The following DMD variants were observed in gnomAD, a reference collection of about 807,000 sequenced individuals.
The protein encoded by DMD is dystrophin, also known as mutant dystrophin.
DMD carries 63 observed loss-of-function variants against 330.1 expected under a neutral mutation model. That is an observed-to-expected ratio of 0.19 (90% CI 0.16 to 0.24). The LOEUF (loss-of-function observed/expected upper bound fraction) is 0.24. Ranked by LOEUF, DMD falls within the 10% of genes least tolerant of loss-of-function variation. The pLI is 1.00. For missense variants in DMD, 3,344 were observed against 2,684.1 expected (o/e 1.25, Z -5.43); for synonymous variants, 1,223 against 959.8 (o/e 1.27, Z -5.07).
chrX:31,126,803 G>T, intron 77 of DMD, 130 bp from the exon 78 acceptor site: 31 of 260,016 alleles, frequency 1.2e-4, no homozygotes, highest in East Asian at 3.6e-4. Context: ...TTCTCTGCTG[G>T]AAAAAAAAAA....
chrX:32,012,738 G>A (rs1256435717), intron 44 of DMD, among the ~76,000 whole-genome samples: 2 of 110,321 alleles, frequency 1.8e-5, no homozygotes, highest in Non-Finnish European at 3.8e-5. Flanking sequence ...GGAACAGAGT[G>A]ATAATCTATT....
At chrX:31,985,964 A>G (rs755195849) in intron 44 of DMD, among the ~76,000 whole-genome samples, 6 of 112,073 alleles carry the variant, frequency 5.4e-5, no homozygotes, top group African/African-American at 1.9e-4. Context: ...CCAGATGGAG[A>G]AAACAGCATG....
intron 2 of DMD, among the ~76,000 whole-genome samples, chrX:32,884,185 G>A (rs1037849711): frequency 5.1e-4 from 57 of 111,309 alleles, no homozygotes; most frequent in African/African-American, 1.8e-3. Context: ...ACATAGGAAA[G>A]TAACTCATCC....
At chrX:32,227,430 G>A (rs1014719600) in intron 43 of DMD, among the ~76,000 whole-genome samples, 1 of 104,937 alleles carries the variant, frequency 9.5e-6, no homozygotes, top group Non-Finnish European at 2.0e-5. Context: ...TGGAACTGGT[G>A]GTCATCTTAA....
chrX:32,362,910 G>T lies in DMD; in HGVS notation c.5203C>A (p.Arg1735Ser), dbSNP rs147904018. 1 of 1,211,015 alleles carries T rather than the reference G, an allele frequency of 8.3e-7. No homozygotes were observed. The highest frequency in any genetic ancestry group is 2.2e-5 in the Admixed American group (1 of 45,930). ...NDIRPKVDST[R>S]DQAANLMANR... The stretch of plus-strand genomic sequence containing the variant: ...GCCATCAAGTTTGCTGCTTGGTCAC[G>T]TGTAGAGTCCACCTTTGGGCGTATG... The change falls in exon 37 of 79, where the codon CGT (arginine) becomes AGT (serine). Residue 1735 changes from arginine to serine, a missense_variant. Coordinates refer to ENST00000357033, the MANE Select transcript of DMD (RefSeq NM_004006.3).
At chrX:32,312,513 C>T (rs1276732570) in intron 41 of DMD, among the ~76,000 whole-genome samples, 1 of 110,766 alleles carries the variant, frequency 9.0e-6, no homozygotes, top group East Asian at 2.8e-4. Context: ...AAAATATACT[C>T]ACTTTTGTCT....
chrX:31,755,965 C>T (rs907187854), intron 51 of DMD, among the ~76,000 whole-genome samples: 5 of 111,720 alleles, frequency 4.5e-5, no homozygotes, highest in African/African-American at 1.6e-4. Context: ...TTTACATAAT[C>T]GTCTTATGAG....
At chrX:32,195,249 T>A (rs1440088921) in intron 44 of DMD, among the ~76,000 whole-genome samples, 1 of 111,302 alleles carries the variant, frequency 9.0e-6, no homozygotes, top group African/African-American at 3.3e-5. Flanking sequence ...AGATTTTAAA[T>A]AAAATGTCAA....
At chrX:32,752,696 G>A (rs1395914781) in intron 7 of DMD, among the ~76,000 whole-genome samples, 1 of 108,442 alleles carries the variant, frequency 9.2e-6, no homozygotes, top group East Asian at 2.9e-4. Context: ...GTTTGGCTGA[G>A]TCCCCACCCA....
intron 27 of DMD, among the ~76,000 whole-genome samples, chrX:32,442,556 G>A (rs941286370): frequency 9.1e-6 from 1 of 110,192 alleles, no homozygotes; most frequent in Non-Finnish European, 1.9e-5. Context: ...GTGGGTGTGT[G>A]TACTGAAATG....
intron 7 of DMD, among the ~76,000 whole-genome samples, chrX:32,795,997 T>C (rs760732109): frequency 7.2e-5 from 8 of 111,587 alleles, no homozygotes; most frequent in African/African-American, 2.6e-4. Context: ...CTTAATACAT[T>C]GTTGTAGTTC....
At chrX:33,089,204 T>G (rs770471887) in intron 1 of DMD, among the ~76,000 whole-genome samples, 2 of 108,822 alleles carry the variant, frequency 1.8e-5, no homozygotes, top group East Asian at 5.8e-4. Context: ...TAGCTGGGAC[T>G]ACAGGCACGC....
intron 4 of DMD, among the ~76,000 whole-genome samples, chrX:32,827,871 G>C (rs1388716007): frequency 9.0e-6 from 1 of 110,536 alleles, no homozygotes; most frequent in African/African-American, 3.3e-5. Flanking sequence ...ATGTTGGTCA[G>C]GCTGGTCTCG....
At chrX:31,911,848 T>C (rs1335067960) in intron 47 of DMD, among the ~76,000 whole-genome samples, 1 of 111,443 alleles carries the variant, frequency 9.0e-6, no homozygotes, top group Non-Finnish European at 1.9e-5. Context: ...AGGAACTCAA[T>C]GTCAACCATT....
chrX:31,806,200 T>C (rs1416246658), intron 50 of DMD, among the ~76,000 whole-genome samples: 1 of 112,395 alleles, frequency 8.9e-6, no homozygotes, highest in Non-Finnish European at 1.9e-5. Context: ...AAACCAATAA[T>C]TGACTTTATA....
intron 62 of DMD, among the ~76,000 whole-genome samples, chrX:31,300,548 T>A (rs1382792861): frequency 8.9e-6 from 1 of 112,016 alleles, no homozygotes; most frequent in African/African-American, 3.2e-5. Context: ...GTCAAAAATG[T>A]AAAGTAGGAA....
At chrX:31,615,706 G>A (rs1203641366) in intron 55 of DMD, among the ~76,000 whole-genome samples, 2 of 111,514 alleles carry the variant, frequency 1.8e-5, no homozygotes, top group Non-Finnish European at 3.8e-5. Context: ...AAACAAAATG[G>A]ATTTTCAACA....
chrX:32,851,347 A>C (rs992088986), intron 2 of DMD, among the ~76,000 whole-genome samples: 1 of 112,030 alleles, frequency 8.9e-6, no homozygotes, highest in Non-Finnish European at 1.9e-5. Flanking sequence ...CTTAGACAAA[A>C]ATTATGAGTT....
chrX:32,196,704 G>A (rs2097002183), intron 44 of DMD, among the ~76,000 whole-genome samples: 1 of 110,863 alleles, frequency 9.0e-6, no homozygotes, highest in Non-Finnish European at 1.9e-5. Flanking sequence ...CAAGACAGGT[G>A]GCCTGGCACG....
Sources: allele counts gnomAD v4.1 joint callset (sites outside exome capture counted in the v4.1 genomes callset), GRCh38; gene constraint gnomAD v4.1.1; transcripts MANE v1.5; gene names NCBI Gene and HGNC (gene_info 2026-07-23, HGNC 2026-07-21).